Variants in CEMIP observed in about 807,000 individuals in gnomAD.
The protein encoded by CEMIP is cell migration-inducing and hyaluronan-binding protein.
CEMIP carries 105 observed loss-of-function variants against 156.9 expected under a neutral mutation model. That is an observed-to-expected ratio of 0.67 (90% CI 0.57 to 0.79). CEMIP has a LOEUF of 0.79. Ranked by LOEUF, CEMIP falls within the 30% of genes least tolerant of loss-of-function variation. The probability of loss-of-function intolerance (pLI) is 0.00; values close to 1 mark genes in which losing one functional copy is unlikely to be tolerated. For missense variants in CEMIP, 1,457 were observed against 1,769.4 expected (o/e 0.82, Z 3.17); for synonymous variants, 676 against 668.4 (o/e 1.01, Z -0.17).
chr15:80,810,011 T>A (rs1596104457), intron 1 of CEMIP, among the ~76,000 whole-genome samples: 1 of 152,186 alleles, frequency 6.6e-6, no homozygotes, highest in Admixed American at 6.5e-5. Context: ...TTTAATTACA[T>A]CTTCAAAATC....
chr15:80,895,182 G>A, intron 11 of CEMIP, 60 bp downstream of exon 11: 1 of 1,609,882 alleles, frequency 6.2e-7, no homozygotes, highest in Non-Finnish European at 8.5e-7. Flanking sequence ...TGAACTGGCA[G>A]CTATGCAGGC....
chr15:80,817,545 G>A (rs1314839373), intron 1 of CEMIP, among the ~76,000 whole-genome samples: 1 of 151,616 alleles, frequency 6.6e-6, no homozygotes, highest in African/African-American at 2.4e-5. Flanking sequence ...AGGTTGTGGT[G>A]AGCGGTGATT....
intron 28 of CEMIP, among the ~76,000 whole-genome samples, chr15:80,946,121 G>A (rs951320596): frequency 6.6e-6 from 1 of 152,218 alleles, no homozygotes; most frequent in African/African-American, 2.4e-5. Flanking sequence ...GTCAATCTGA[G>A]CTCTTGGTAC....
intron 15 of CEMIP, 41 bp downstream of exon 15, chr15:80,920,340 G>A (rs1434744082): frequency 9.7e-6 from 15 of 1,545,782 alleles, no homozygotes; most frequent in Non-Finnish European, 8.0e-6. Flanking sequence ...GGGGGAAGGG[G>A]TGTACATGTG....
At chr15:80,807,858 T>C (rs11853138) in intron 1 of CEMIP, among the ~76,000 whole-genome samples, 12,919 of 152,272 alleles carry the variant, frequency 0.085, 753 homozygotes, top group African/African-American at 0.15. Context: ...TGAGATTGTG[T>C]CCTGGTGTTC....
intron 24 of CEMIP, among the ~76,000 whole-genome samples, chr15:80,937,385 G>A (rs1596206578): frequency 1.3e-5 from 2 of 152,220 alleles, no homozygotes; most frequent in East Asian, 3.8e-4. Context: ...ATTTCTGTGA[G>A]ACAGACATTT....
At chr15:80,945,383 C>G (rs889067583) in intron 28 of CEMIP, among the ~76,000 whole-genome samples, 5 of 152,232 alleles carry the variant, frequency 3.3e-5, no homozygotes, top group African/African-American at 1.2e-4. Context: ...TTGAGTCCCC[C>G]AAGTAGGAAG....
intron 1 of CEMIP, among the ~76,000 whole-genome samples, chr15:80,856,465 T>G (rs919917286): frequency 2.6e-5 from 4 of 152,220 alleles, no homozygotes; most frequent in African/African-American, 9.7e-5. Context: ...TAGGTTGCAC[T>G]GTATTAGTGT....
chr15:80,920,732 C>T (rs939660759), intron 15 of CEMIP, among the ~76,000 whole-genome samples: 4 of 152,228 alleles, frequency 2.6e-5, no homozygotes, highest in Non-Finnish European at 5.9e-5. Flanking sequence ...TTAGAAAGGG[C>T]TACTTTCCTG....
At chr15:80,829,965 G>GGGGTGTGTGTGTGT (rs1555428874) in intron 1 of CEMIP, among the ~76,000 whole-genome samples, 1 of 133,710 alleles carries the variant, frequency 7.5e-6, no homozygotes, top group African/African-American at 2.9e-5. Flanking sequence ...GGAGGTAGCG[G>GGGGTGTGTGTGTGT]GTGTGTGTGT....
intron 5 of CEMIP, among the ~76,000 whole-genome samples, chr15:80,880,095 T>A (rs1240246058): frequency 1.3e-5 from 2 of 152,216 alleles, no homozygotes; most frequent in Admixed American, 1.3e-4. Flanking sequence ...CTGCCAGCCT[T>A]TCAGCCACCT....
chr15:80,922,499 T>C (rs1900514670), intron 17 of CEMIP, among the ~76,000 whole-genome samples: 1 of 152,178 alleles, frequency 6.6e-6, no homozygotes, highest in Non-Finnish European at 1.5e-5. Context: ...GCCTCAACTA[T>C]GAAAAGTTAG....
At chr15:80,902,165 T>C (rs1415879341) in intron 12 of CEMIP, among the ~76,000 whole-genome samples, 2 of 152,172 alleles carry the variant, frequency 1.3e-5, no homozygotes, top group Non-Finnish European at 2.9e-5. Context: ...CCTAGCACCC[T>C]GTGTACTCTC....
intron 1 of CEMIP, among the ~76,000 whole-genome samples, chr15:80,835,799 G>A (rs1337685517): frequency 2.0e-5 from 3 of 152,058 alleles, no homozygotes; most frequent in African/African-American, 4.8e-5. Flanking sequence ...CTTCTCCCAC[G>A]GTCTGTTTCT....
rs903670193 is a variant in CEMIP at position 80,951,348 on chromosome 15, G to C, written c.*2424G>C. ...GTTTCTTTCCTAAACCATTCACCAA[G>C]AGCCAATATCTAGGCATTTTCTTGG... On this transcript the variant is annotated 3_prime_UTR_variant, in exon 30 of 30. Coordinates refer to ENST00000394685, the MANE Select transcript of CEMIP (RefSeq NM_001293298.2). 1 of 152,560 alleles carries C rather than the reference G, an allele frequency of 6.6e-6. No individual in the cohort carries two copies. Among genetic ancestry groups the C allele is most frequent in the Non-Finnish European group, 1.5e-5 (1 of 68,032 alleles). The allele number at this position is 152,560 out of a possible 1,614,324, so 9.5% of individuals were successfully genotyped here. A position where few individuals can be genotyped will look rare whatever the true frequency, so the allele number is the denominator to read the frequency against.
intron 23 of CEMIP, 86 bp from the exon 24 acceptor site, chr15:80,936,588 G>T: frequency 8.4e-7 from 1 of 1,189,134 alleles, no homozygotes; most frequent in Non-Finnish European, 1.2e-6. Flanking sequence ...TTGAAAGTGC[G>T]GTCTATAGTC....
At chr15:80,788,019 C>A (rs1895983145) in intron 1 of CEMIP, among the ~76,000 whole-genome samples, 2 of 152,148 alleles carry the variant, frequency 1.3e-5, no homozygotes, top group Non-Finnish European at 1.5e-5. Flanking sequence ...CTCAAGCCCC[C>A]TAAAGGCTCG....
intron 1 of CEMIP, among the ~76,000 whole-genome samples, chr15:80,837,232 CA>C (rs1229092236): frequency 1.3e-5 from 2 of 152,118 alleles, no homozygotes; most frequent in South Asian, 2.1e-4. Flanking sequence ...CCGAGACGCA[CA>C]GATGGGGGAG....
At chr15:80,893,194 TAAATG>T (rs148655030) in intron 10 of CEMIP, among the ~76,000 whole-genome samples, 2,188 of 151,842 alleles carry the variant, frequency 0.014, 54 homozygotes, top group African/African-American at 0.049. Flanking sequence ...AATAAATAAA[TAAATG>T]AAATGAAATG....
Sources: gnomAD v4.1 joint callset for allele counts (sites outside exome capture counted in the v4.1 genomes callset) on GRCh38, gnomAD v4.1.1 for gene constraint, MANE v1.5 for transcripts, NCBI Gene and HGNC (gene_info 2026-07-23, HGNC 2026-07-21) for gene names.